PTPRK: variants seen among roughly 807,000 people sequenced by gnomAD.
PTPRK encodes the protein receptor-type tyrosine-protein phosphatase kappa.
PTPRK carries 75 observed loss-of-function variants against 178.0 expected under a neutral mutation model. The observed-to-expected ratio is 0.42, with a 90% CI of 0.35 to 0.51. PTPRK has a LOEUF of 0.51. Ranked by LOEUF, PTPRK falls within the 20% of genes least tolerant of loss-of-function variation. The probability of loss-of-function intolerance (pLI) is 0.02; values close to 1 mark genes in which losing one functional copy is unlikely to be tolerated. For synonymous variants in PTPRK, 637 were observed against 620.6 expected (o/e 1.03, Z -0.39); for missense variants, 1,441 against 1,797.8 (o/e 0.80, Z 3.59).
intron 6 of PTPRK, among the ~76,000 whole-genome samples, chr6:128,215,720 G>A (rs904181563): frequency 1.3e-5 from 2 of 152,028 alleles, no homozygotes; most frequent in African/African-American, 4.8e-5. Context: ...TTTCAGTTTA[G>A]GAGAAAATGC....
intron 7 of PTPRK, among the ~76,000 whole-genome samples, chr6:128,183,756 T>C (rs547479956): frequency 6.6e-6 from 1 of 151,926 alleles, no homozygotes; most frequent in African/African-American, 2.4e-5. Context: ...CATTATAACA[T>C]GGTAAAGAAC....
At chr6:128,392,180 C>T (rs1438547450) in intron 2 of PTPRK, among the ~76,000 whole-genome samples, 1 of 152,108 alleles carries the variant, frequency 6.6e-6, no homozygotes, top group Non-Finnish European at 1.5e-5. Flanking sequence ...CCTTAAACTA[C>T]TGAATCAGAC....
intron 7 of PTPRK, among the ~76,000 whole-genome samples, chr6:128,126,897 T>C (rs1371327003): frequency 6.6e-6 from 1 of 152,218 alleles, no homozygotes; most frequent in Non-Finnish European, 1.5e-5. Context: ...CAACTTGCAT[T>C]GCCACTAGCA....
chr6:128,299,714 C>A (rs1312820600), intron 3 of PTPRK, among the ~76,000 whole-genome samples: 23 of 152,098 alleles, frequency 1.5e-4, no homozygotes, highest in East Asian at 5.8e-4. Context: ...CTTATACAAA[C>A]ATTAATTCAA....
At chr6:128,325,647 G>A (rs1027695773) in intron 2 of PTPRK, among the ~76,000 whole-genome samples, 32 of 152,162 alleles carry the variant, frequency 2.1e-4, no homozygotes, top group African/African-American at 7.0e-4. Flanking sequence ...TTAGAATGGT[G>A]ATCATTAAAA....
At chr6:128,134,246 T>G (rs1794688491) in intron 7 of PTPRK, among the ~76,000 whole-genome samples, 1 of 152,222 alleles carries the variant, frequency 6.6e-6, no homozygotes, top group African/African-American at 2.4e-5. Flanking sequence ...GAGTTTGAAC[T>G]GCTCCTTGGT....
chr6:128,171,632 G>A (rs1045326179), intron 7 of PTPRK, among the ~76,000 whole-genome samples: 3 of 151,944 alleles, frequency 2.0e-5, no homozygotes, highest in Non-Finnish European at 4.4e-5. Flanking sequence ...TTTGTAATAA[G>A]GGAGCAGCTC....
chr6:128,134,236 G>C (rs1201498629), intron 7 of PTPRK, among the ~76,000 whole-genome samples: 1 of 152,044 alleles, frequency 6.6e-6, no homozygotes, highest in Non-Finnish European at 1.5e-5. Flanking sequence ...AATTATTCCT[G>C]AGTTTGAACT....
chr6:128,108,069 AACACACACACACACACACACAC>A (rs67513455), intron 7 of PTPRK, among the ~76,000 whole-genome samples: 16 of 133,806 alleles, frequency 1.2e-4, no homozygotes, highest in African/African-American at 2.6e-4. Flanking sequence ...TAAATAGCAA[AACACACACACACACACACACAC>A]ACACACACAC....
chr6:128,256,015 C>A (rs1302518922), intron 3 of PTPRK, among the ~76,000 whole-genome samples: 2 of 152,080 alleles, frequency 1.3e-5, no homozygotes, highest in Admixed American at 6.5e-5. Context: ...AAAATTTGAA[C>A]AATTAGCCAT....
chr6:128,117,740 C>T (rs1791779160), intron 7 of PTPRK, among the ~76,000 whole-genome samples: 6 of 152,046 alleles, frequency 3.9e-5, no homozygotes, highest in Admixed American at 3.3e-4. Context: ...GCAACCTCTG[C>T]CTTCTGGGTT....
At chr6:128,459,743 T>C (rs1270286734) in intron 1 of PTPRK, among the ~76,000 whole-genome samples, 2 of 152,182 alleles carry the variant, frequency 1.3e-5, no homozygotes, top group Non-Finnish European at 1.5e-5. Context: ...CCATAATTAA[T>C]GGGAAAAGAT....
At chr6:128,082,090 A>T (rs1784926565) in intron 10 of PTPRK, among the ~76,000 whole-genome samples, 1 of 152,074 alleles carries the variant, frequency 6.6e-6, no homozygotes, top group African/African-American at 2.4e-5. Flanking sequence ...TTTTTTTGAT[A>T]ACATTCATTT....
chr6:128,501,588 G>A (rs559979195), intron 1 of PTPRK, among the ~76,000 whole-genome samples: 47 of 152,178 alleles, frequency 3.1e-4, no homozygotes, highest in African/African-American at 6.0e-4. Context: ...TCCATTTAGC[G>A]CTACATTAAT....
intron 1 of PTPRK, among the ~76,000 whole-genome samples, chr6:128,494,202 A>T (rs1353413846): frequency 7.8e-5 from 5 of 63,914 alleles, no homozygotes; most frequent in East Asian, 5.4e-4. Context: ...CCTGTATCTT[A>T]AAAAAAAAAA....
At chr6:128,282,046 T>G (rs1821761180) in intron 3 of PTPRK, among the ~76,000 whole-genome samples, 1 of 152,210 alleles carries the variant, frequency 6.6e-6, no homozygotes, top group Non-Finnish European at 1.5e-5. Flanking sequence ...CTCTAGCTTT[T>G]CTTTTCTGCT....
At chr6:128,113,461 C>T (rs1437006026) in intron 7 of PTPRK, among the ~76,000 whole-genome samples, 1 of 150,510 alleles carries the variant, frequency 6.6e-6, no homozygotes, top group Admixed American at 6.6e-5. Flanking sequence ...TTCAACCAAC[C>T]ATGGGTTGAA....
At chr6:128,438,226 C>T (rs929270201) in intron 1 of PTPRK, among the ~76,000 whole-genome samples, 1 of 152,370 alleles carries the variant, frequency 6.6e-6, no homozygotes, top group East Asian at 1.9e-4. Flanking sequence ...GTGACCTCCA[C>T]TGACATCTCT....
chr6:128,275,785 G>A (rs1260780974), intron 3 of PTPRK, among the ~76,000 whole-genome samples: 1 of 151,944 alleles, frequency 6.6e-6, no homozygotes, highest in Non-Finnish European at 1.5e-5. Context: ...TACTTTCTAA[G>A]GTCCCTTTCA....
Sources: gnomAD v4.1 joint callset for allele counts (sites outside exome capture counted in the v4.1 genomes callset) on GRCh38, gnomAD v4.1.1 for gene constraint, MANE v1.5 for transcripts, NCBI Gene and HGNC (gene_info 2026-07-23, HGNC 2026-07-21) for gene names.